The following ETS1 variants were observed in gnomAD, a reference collection of about 807,000 sequenced individuals.
The protein encoded by ETS1 is protein C-ets-1.
ETS1 carries 15 observed loss-of-function variants against 58.6 expected under a neutral mutation model. The observed-to-expected ratio is 0.26, with a 90% CI of 0.17 to 0.39. The LOEUF is 0.39. Ranked by LOEUF, ETS1 falls within the 10% of genes least tolerant of loss-of-function variation. ETS1 has a pLI of 1.00. For missense variants in ETS1, 417 were observed against 610.5 expected (o/e 0.68, Z 3.34); for synonymous variants, 214 against 218.2 (o/e 0.98, Z 0.17).
At chr11:128,560,619 C>A (rs1430733028) in intron 2 of ETS1, among the ~76,000 whole-genome samples, 1 of 152,168 alleles carries the variant, frequency 6.6e-6, no homozygotes, top group Admixed American at 6.5e-5. Flanking sequence ...GCTTGCATGG[C>A]TTAAGTACAA....
At chr11:128,568,395 G>A (rs1318542134) in intron 2 of ETS1, among the ~76,000 whole-genome samples, 2 of 152,234 alleles carry the variant, frequency 1.3e-5, no homozygotes, top group Non-Finnish European at 2.9e-5. Flanking sequence ...GCTTGCAAGG[G>A]ACTTCCAGGC....
At chr11:128,558,526 T>A (rs1049086019) in intron 2 of ETS1, among the ~76,000 whole-genome samples, 1 of 151,646 alleles carries the variant, frequency 6.6e-6, no homozygotes, top group Non-Finnish European at 1.5e-5. Context: ...GCGCCTGTAA[T>A]CCCAGCTACT....
intron 1 of ETS1, among the ~76,000 whole-genome samples, chr11:128,581,757 A>G (rs1444360476): frequency 6.6e-6 from 1 of 152,186 alleles, no homozygotes; most frequent in Non-Finnish European, 1.5e-5. Context: ...AAAGAATTAC[A>G]TTACAGACTC....
intron 1 of ETS1, among the ~76,000 whole-genome samples, chr11:128,585,124 GA>G (rs1555093079): frequency 6.2e-4 from 4 of 6,460 alleles, no homozygotes; most frequent in African/African-American, 3.9e-3. Context: ...AGGAAAGAAA[GA>G]AGAAAGAAAG....
chr11:128,579,635 C>A (rs535136109), intron 1 of ETS1, among the ~76,000 whole-genome samples: 3 of 148,052 alleles, frequency 2.0e-5, no homozygotes, highest in Non-Finnish European at 3.0e-5. Context: ...CACTCCCACC[C>A]GGCAACAAGA....
intron 2 of ETS1, among the ~76,000 whole-genome samples, chr11:128,569,311 G>GTTTTTTTTT (rs1591669822): frequency 4.1e-5 from 1 of 24,204 alleles, no homozygotes; most frequent in African/African-American, 1.6e-4. Flanking sequence ...ATGGGACAGA[G>GTTTTTTTTT]TTTCTTCTTT....
At chr11:128,555,077 G>C (rs1232391297) in intron 3 of ETS1, among the ~76,000 whole-genome samples, 1 of 152,128 alleles carries the variant, frequency 6.6e-6, no homozygotes, top group Non-Finnish European at 1.5e-5. Flanking sequence ...CAGTGCCAAA[G>C]AATACCTCAA....
At chr11:128,529,100 T>C (rs1186048006) in intron 3 of ETS1, 4 of 152,190 alleles carry the variant, frequency 2.6e-5, no homozygotes, top group African/African-American at 7.2e-5. Flanking sequence ...GATGTACAAC[T>C]GCTATATACA....
At chr11:128,513,121 T>A (rs112872381) in intron 3 of ETS1, among the ~76,000 whole-genome samples, 1 of 152,138 alleles carries the variant, frequency 6.6e-6, no homozygotes, top group Non-Finnish European at 1.5e-5. Context: ...ATTTCTAACA[T>A]CTCTGTTTCT....
At chr11:128,527,271 T>A (rs1267632143) in intron 3 of ETS1, 2 of 233,140 alleles carry the variant, frequency 8.6e-6, no homozygotes, top group Admixed American at 1.0e-4. Flanking sequence ...TTCTTTAGAC[T>A]ATAATTATGA....
chr11:128,480,198 G>A lies in ETS1; in HGVS notation c.1116C>T (p.Gly372=). Residue 372 remains glycine, a synonymous_variant, in exon 8 of 10, where the codon GGC becomes GGT. Coordinates refer to ENST00000392668, the MANE Select transcript of ETS1 (RefSeq NM_001143820.2). ...CAGCGGGAGGGCGCCTACCTGTGTA[G>A]CCAGCTAGGGCAGCAGCAGGAATGA... is the stretch of plus-strand genomic sequence containing the variant. The part of the protein sequence containing the change: ...KPVIPAAALA[G]YTGSGPIQLW... The A allele has an allele frequency of 6.2e-7, 1 of 1,613,884 alleles. No homozygotes were observed. Among genetic ancestry groups the A allele is most frequent in the Non-Finnish European group, 8.5e-7 (1 of 1,179,962 alleles).
intron 8 of ETS1, among the ~76,000 whole-genome samples, chr11:128,468,380 C>G (rs1862095910): frequency 6.6e-6 from 1 of 152,168 alleles, no homozygotes; most frequent in African/African-American, 2.4e-5. Flanking sequence ...ACATATATAG[C>G]AATGGGCTAG....
intron 4 of ETS1, among the ~76,000 whole-genome samples, chr11:128,489,940 T>C (rs184104894): frequency 2.0e-4 from 31 of 152,306 alleles, no homozygotes; most frequent in Admixed American, 1.8e-3. Context: ...TCTTAGCCAA[T>C]TATAGTGGTA....
Position 128,573,133 on chromosome 11 carries a change from T to C in ETS1, c.-3A>G. The C allele has an allele frequency of 9.5e-6, 15 of 1,582,826 alleles. No homozygotes were observed. Among genetic ancestry groups the C allele is most frequent in the Non-Finnish European group, 1.3e-5 (15 of 1,164,102 alleles). On this transcript the variant is annotated 5_prime_UTR_variant, in exon 2 of 10. Transcript: ENST00000392668. ...GCAGAATCCACAAAGTAGCTCATTCTGCTCTCAGCACCTGTGTGAGAGAAG... is the reference window on the plus strand; with the variant it reads ...GCAGAATCCACAAAGTAGCTCATTCCGCTCTCAGCACCTGTGTGAGAGAAG...
chr11:128,513,041 T>C (rs1027811830), intron 3 of ETS1, among the ~76,000 whole-genome samples: 1 of 152,368 alleles, frequency 6.6e-6, no homozygotes, highest in African/African-American at 2.4e-5. Context: ...GAGGAAGGTA[T>C]GACTCTTGGT....
chr11:128,500,632 T>C (rs1291591575), intron 3 of ETS1, among the ~76,000 whole-genome samples: 1 of 152,176 alleles, frequency 6.6e-6, no homozygotes, highest in South Asian at 2.1e-4. Context: ...GGAAAAAGCA[T>C]ACTCATACAC....
At chr11:128,571,498 C>T (rs1373611632) in intron 2 of ETS1, among the ~76,000 whole-genome samples, 3 of 65,344 alleles carry the variant, frequency 4.6e-5, no homozygotes, top group Non-Finnish European at 7.8e-5. Flanking sequence ...AGCAAGACTC[C>T]GTCAAAAAAA....
chr11:128,565,483 A>C (rs915681380), intron 2 of ETS1, among the ~76,000 whole-genome samples: 1 of 152,202 alleles, frequency 6.6e-6, no homozygotes, highest in Non-Finnish European at 1.5e-5. Context: ...GTGCTATAAC[A>C]AAATACCTGA....
At position 128,480,273 on chromosome 11, in the gene ETS1, G is replaced by A. The variant is rs1269355064; in HGVS notation, c.1041C>T (p.Thr347=). The change falls in exon 8 of 10, where the codon ACC becomes ACT. Residue 347 remains threonine, a synonymous_variant. Transcript: ENST00000392668. Reference sequence around the variant, plus strand: ...CACGGTCCCGCACATAGTCCTTGAAGGTGCCCTTGGGCTTGTGGTTGGGCA... The same window carrying A: ...CACGGTCCCGCACATAGTCCTTGAAAGTGCCCTTGGGCTTGTGGTTGGGCA... ...AALPNHKPKG[T]FKDYVRDRAD... is the part of the protein sequence containing the mutation. The A allele has an allele frequency of 6.2e-7, 1 of 1,614,042 alleles. No individual in the cohort carries two copies. The highest frequency in any genetic ancestry group is 1.3e-5 in the African/African-American group (1 of 74,918).
Sources: allele counts gnomAD v4.1 joint callset (sites outside exome capture counted in the v4.1 genomes callset), GRCh38; gene constraint gnomAD v4.1.1; transcripts MANE v1.5; gene names NCBI Gene and HGNC (gene_info 2026-07-23, HGNC 2026-07-21).